The following WNK4 variants were observed in gnomAD, a reference collection of about 807,000 sequenced individuals.
WNK4 encodes the protein WNK lysine deficient protein kinase 4, also known as serine/threonine-protein kinase WNK4.
WNK4 carries 94 observed loss-of-function variants against 116.2 expected under a neutral mutation model. That is an observed-to-expected ratio of 0.81 (90% CI 0.68 to 0.96). The LOEUF is 0.96. WNK4 is among the 40% of genes least tolerant of loss of function. The probability of loss-of-function intolerance (pLI) is 0.00; values close to 1 mark genes in which losing one functional copy is unlikely to be tolerated. For synonymous variants in WNK4, 655 were observed against 672.7 expected, an observed-to-expected ratio of 0.97 and a Z score of 0.41; for missense variants, 1,542 against 1,650.6, an observed-to-expected ratio of 0.93 and a Z score of 1.14.
chr17:42,796,518 C>T lies in WNK4; in HGVS notation c.3669C>T (p.Thr1223=), dbSNP rs754710180. 20 of 1,613,916 alleles carry T rather than the reference C, an allele frequency of 1.2e-5. No individual in the cohort carries two copies. Among genetic ancestry groups the T allele is most frequent in the South Asian group, 3.3e-5 (3 of 91,088 alleles). ...GGAACTCTCTGAGTGGCAGCAGCAC[C>T]GGCTCCCAGGAGCAGCGGGCAAGCA... The part of the protein sequence containing the change: ...MRRNSLSGSS[T]GSQEQRASKG... Residue 1223 remains threonine (T), a synonymous_variant, in exon 18 of 19, where the codon ACC becomes ACT. Transcript: ENST00000246914.
At chr17:42,786,624 C>T (rs192867165) in intron 6 of WNK4, among the ~76,000 whole-genome samples, 3 of 152,290 alleles carry the variant, frequency 2.0e-5, no homozygotes, top group East Asian at 3.9e-4. Context: ...AACTCCTGAC[C>T]TCAAGTGACC....
intron 2 of WNK4, 156 bp from the exon 3 acceptor site, chr17:42,783,781 T>C: frequency 1.4e-6 from 1 of 731,510 alleles, no homozygotes. Context: ...CCTGACTCAG[T>C]TTCTCCCTGG....
Position 42,788,798 on chromosome 17 carries a change from G to A in WNK4, c.2157+1G>A. The A allele has an allele frequency of 6.2e-7, 1 of 1,611,418 alleles. No homozygotes were observed. The highest frequency in any genetic ancestry group is 8.5e-7 in the Non-Finnish European group (1 of 1,177,512). On this transcript the variant is annotated splice_donor_variant, in intron 11 of 18. Transcript: ENST00000246914. LOFTEE classifies it high-confidence loss of function. The stretch of plus-strand genomic sequence containing the variant: ...CCCGGAAGAGATTGCAGCTGCCATG[G>A]TGAGGGGGAGAGAGATGAGGACAGA...
At chr17:42,796,424 C>T (rs2054674292) in intron 17 of WNK4, 57 bp from the exon 18 acceptor site, 15 of 1,613,814 alleles carry the variant, frequency 9.3e-6, no homozygotes, top group Non-Finnish European at 1.2e-5. Flanking sequence ...AATAGACCCC[C>T]TCTCCCCACC....
rs1464181219 is a variant in WNK4, at chr17:42,784,674, G to A, written c.1170+95G>A. On this transcript the variant is annotated intron_variant, in intron 4 of 18. Coordinates refer to ENST00000246914, the MANE Select transcript of WNK4 (RefSeq NM_032387.5). The surrounding 1 kb of genome is among the most constrained non-coding windows in gnomAD (Gnocchi z 4.4). ...CGCAGTCAATGCCCTTTGCCTGCAC[G>A]AAAACAGGCTAGACACAGAGTCGCC... is the stretch of plus-strand genomic sequence containing the variant. 11 of 1,511,954 alleles carry A rather than the reference G, an allele frequency of 7.3e-6. No individual in the cohort carries two copies. The highest frequency in any genetic ancestry group is 2.4e-5 in the South Asian group (2 of 85,016). 93.7% of individuals were successfully genotyped at this position (1,511,954 alleles called of 1,614,324 possible).
At position 42,796,820 on chromosome 17, in the gene WNK4, G is replaced by A. The variant is rs939880308; in HGVS notation, c.*132G>A. On this transcript the variant is annotated 3_prime_UTR_variant, in exon 19 of 19. Transcript: ENST00000246914. ...CAACACTGAAGGGGTAGAAGGCCAG[G>A]GGGGCATGGAGAGTGCAGCTCCATT... The A allele has an allele frequency of 1.4e-5, 23 of 1,590,170 alleles. No homozygotes were observed. Among genetic ancestry groups the A allele is most frequent in the Admixed American group, 3.4e-5 (2 of 59,500 alleles).
Position 42,784,482 on chromosome 17 carries a change from T to A in WNK4, c.1073T>A (p.Val358Glu), listed in dbSNP as rs1482267302. 30 of 1,613,404 alleles carry A rather than the reference T, an allele frequency of 1.9e-5. No homozygotes were observed. Among genetic ancestry groups the A allele is most frequent in the Non-Finnish European group, 2.5e-5 (30 of 1,179,884 alleles). The part of the protein sequence containing the change: ...YEEKYDEAVD[V>E]YAFGMCMLEM... ...GAAAAGTACGATGAGGCCGTGGACGTGTACGCGTTCGGCATGTGCATGCTG... is the reference window on the plus strand; with the variant it reads ...GAAAAGTACGATGAGGCCGTGGACGAGTACGCGTTCGGCATGTGCATGCTG... Residue 358 changes from valine (V) to glutamate (E), a missense_variant, in exon 4 of 19, where the codon GTG becomes GAG. Physicochemically the swap from Val to Glu is moderately radical, Grantham distance 121. Coordinates refer to ENST00000246914, the MANE Select transcript of WNK4 (RefSeq NM_032387.5). This position sits in a 1 kb window ranked among gnomAD's most constrained non-coding sequence, Gnocchi z 4.4.
Position 42,788,751 on chromosome 17 carries a change from G to T in WNK4, c.2111G>T (p.Arg704Leu), listed in dbSNP as rs150554297. ...QTHNSKMVTF[R>L]FDLDGDSPEE... ...CATAACAGCAAGATGGTGACCTTCC[G>T]ATTTGATCTGGATGGGGACAGCCCG... Residue 704 changes from arginine to leucine, a missense_variant, in exon 11 of 19, where the codon CGA (arginine) becomes CTA (leucine). Physicochemically the swap from Arg to Leu is moderately radical, Grantham distance 102. Transcript: ENST00000246914. 6.2e-7 allele frequency: 1 copy of T among 1,614,034 alleles called. No individual in the cohort carries two copies. The highest frequency in any genetic ancestry group is 1.3e-5 in the African/African-American group (1 of 74,908).
Position 42,781,011 on chromosome 17 carries a change from C to T in WNK4, c.313C>T (p.Pro105Ser), listed in dbSNP as rs770042278. The T allele has an allele frequency of 6.2e-7, 1 of 1,610,098 alleles. No homozygotes were observed. Among genetic ancestry groups the T allele is most frequent in the Non-Finnish European group, 8.5e-7 (1 of 1,179,152 alleles). The change falls in exon 1 of 19, where the codon CCC becomes TCC. Residue 105 changes from proline (P) to serine (S), a missense_variant. Around this residue, in one of 7 missense-constraint regions of WNK4, gnomAD observed 243 missense variants for 217.8 expected, o/e 1.12. Coordinates refer to ENST00000246914, the MANE Select transcript of WNK4 (RefSeq NM_032387.5). ...GAGCCCACCGCCTAGCTCCAAAGAACCCCCCGAGGGCACGTGGACCGAGGG... is the reference window on the plus strand; with the variant it reads ...GAGCCCACCGCCTAGCTCCAAAGAATCCCCCGAGGGCACGTGGACCGAGGG... ...ARSPPPSSKE[P>S]PEGTWTEGAP...
At chr17:42,785,039 TG>T in intron 4 of WNK4, 57 bp from the exon 5 acceptor site, 1 of 1,547,502 alleles carries the variant, frequency 6.5e-7, no homozygotes, top group South Asian at 1.2e-5. Flanking sequence ...TGGGGGGTGG[TG>T]TCAAGCCGAG....
chr17:42,781,167 A>C lies in WNK4; in HGVS notation c.469A>C (p.Lys157Gln). The C allele has an allele frequency of 6.2e-7, 1 of 1,614,104 alleles. No individual in the cohort carries two copies. The highest frequency in any genetic ancestry group is 8.5e-7 in the Non-Finnish European group (1 of 1,180,010). The change falls in exon 1 of 19, where the codon AAG (lysine) becomes CAG (glutamine). Residue 157 changes from lysine (K) to glutamine (Q), a missense_variant. By Grantham distance (53) the Lys-to-Gln change is moderately conservative (BLOSUM62 1). Coordinates refer to ENST00000246914, the MANE Select transcript of WNK4 (RefSeq NM_032387.5). The part of the protein sequence containing the change: ...ALERRREQEE[K>Q]EDMETQAVAT... ...AGAGCGGCGGCGGGAGCAGGAAGAA[A>C]AGGAGGACATGGAGACCCAGGCTGT...
In WNK4 at chr17:42,784,680, A is replaced by G. The variant is rs2054523797; in HGVS notation, c.1170+101A>G. ...CAATGCCCTTTGCCTGCACGAAAACAGGCTAGACACAGAGTCGCCTTGGTG... is the reference window on the plus strand; with the variant it reads ...CAATGCCCTTTGCCTGCACGAAAACGGGCTAGACACAGAGTCGCCTTGGTG... On this transcript the variant is annotated intron_variant, in intron 4 of 18. Coordinates refer to ENST00000246914, the MANE Select transcript of WNK4 (RefSeq NM_032387.5). The surrounding 1 kb of genome is among the most constrained non-coding windows in gnomAD (Gnocchi z 4.4). 1.3e-6 allele frequency: 2 copies of G among 1,487,152 alleles called. No individual in the cohort carries two copies. The allele number at this position is 1,487,152 out of a possible 1,614,324, so 92.1% of individuals were successfully genotyped here. A position where few individuals can be genotyped will look rare whatever the true frequency, so the allele number is the denominator to read the frequency against.
chr17:42,780,720 G>A lies in WNK4; in HGVS notation c.22G>A (p.Glu8Lys). 6.2e-7 allele frequency: 1 copy of A among 1,608,790 alleles called. No individual in the cohort carries two copies. The part of the protein sequence containing the change: MLASPAT[E>K]TTVLMSQTEA... ...CCTCATGTTGGCATCCCCGGCCACGGAGACCACCGTCCTCATGTCCCAGAC... is the reference window on the plus strand; with the variant it reads ...CCTCATGTTGGCATCCCCGGCCACGAAGACCACCGTCCTCATGTCCCAGAC... The change falls in exon 1 of 19, where the codon GAG becomes AAG. Residue 8 changes from glutamate to lysine, a missense_variant. Glu to Lys is a moderately conservative substitution (Grantham distance 56). This residue lies in a region of WNK4 where 243 missense variants were observed against 217.8 expected (regional missense o/e 1.12). Coordinates refer to ENST00000246914, the MANE Select transcript of WNK4 (RefSeq NM_032387.5).
In WNK4 at chr17:42,796,751, G is replaced by C. The variant is rs2054680865; in HGVS notation, c.*63G>C. 3.1e-6 allele frequency: 5 copies of C among 1,614,182 alleles called. No individual in the cohort carries two copies. The highest frequency in any genetic ancestry group is 4.2e-6 in the Non-Finnish European group (5 of 1,180,038). Reference sequence around the variant, plus strand: ...GCCCACCATGGAGCTTGTGTTCTCAGAATCTGATGCTTTCTGATCAACAAA... The same window carrying C: ...GCCCACCATGGAGCTTGTGTTCTCACAATCTGATGCTTTCTGATCAACAAA... On this transcript the variant is annotated 3_prime_UTR_variant, in exon 19 of 19. Coordinates refer to ENST00000246914, the MANE Select transcript of WNK4 (RefSeq NM_032387.5).
chr17:42,786,932 C>T (rs150943373), intron 6 of WNK4, among the ~76,000 whole-genome samples: 13 of 152,270 alleles, frequency 8.5e-5, no homozygotes, highest in South Asian at 4.1e-4. Flanking sequence ...CCCTGGCTTC[C>T]GCTCACTAGA....
rs750022775 is a variant in WNK4 at position 42,795,480 on chromosome 17, G to A, written c.2981G>A (p.Arg994Gln). The change falls in exon 15 of 19, where the codon CGG becomes CAG. Residue 994 changes from arginine (R) to glutamine (Q), a missense_variant. Coordinates refer to ENST00000246914, the MANE Select transcript of WNK4 (RefSeq NM_032387.5). ...VESEASPPPA[R>Q]PLPGEARLAP... ...TTCTAGGCCTCACCACCTCCTGCTC[G>A]GCCCCTCCCAGGGGAAGCCAGGCTG... 17 of 1,613,986 alleles carry A rather than the reference G, an allele frequency of 1.1e-5. No homozygotes were observed. The highest frequency in any genetic ancestry group is 2.2e-5 in the East Asian group (1 of 44,886).
At chr17:42,794,059 T>C in intron 12 of WNK4, 1 of 350,246 alleles carries the variant, frequency 2.9e-6, no homozygotes, top group Non-Finnish European at 5.5e-6. Context: ...TTTCACCGTG[T>C]TAGCCAGGCT....
At chr17:42,787,658 G>C in intron 7 of WNK4, 116 bp downstream of exon 7, 1 of 1,593,562 alleles carries the variant, frequency 6.3e-7, no homozygotes, top group Non-Finnish European at 8.5e-7. Flanking sequence ...TAGCCATGAA[G>C]CTCCCTCCAG....
In WNK4 at chr17:42,795,314, C is replaced by T. The variant is rs200640984; in HGVS notation, c.2893C>T (p.Leu965Phe). 104 of 1,613,992 alleles carry T rather than the reference C, an allele frequency of 6.4e-5. No homozygotes were observed. Among genetic ancestry groups the T allele is most frequent in the Admixed American group, 2.3e-4 (14 of 59,976 alleles). The change falls in exon 14 of 19, where the codon CTT becomes TTT. Residue 965 changes from leucine (L) to phenylalanine (F), a missense_variant. By Grantham distance (22) the Leu-to-Phe change is conservative. Around this residue, in one of 7 missense-constraint regions of WNK4, gnomAD observed 292 missense variants for 290.1 expected, o/e 1.01. Coordinates refer to ENST00000246914, the MANE Select transcript of WNK4 (RefSeq NM_032387.5). The stretch of plus-strand genomic sequence containing the variant: ...TCCTAGTCCCCTCCCTAGCCTGCCC[C>T]TTCCCCCTCCCGTTGCTCCTGGTGG... ...APPSPLPSLPLPPPVAPGGQE... is the reference protein window; with the variant it reads ...APPSPLPSLPFPPPVAPGGQE...
Sources: allele counts gnomAD v4.1 joint callset (sites outside exome capture counted in the v4.1 genomes callset), GRCh38; gene constraint gnomAD v4.1.1; regional missense constraint gnomAD v4.1.1; non-coding constraint Gnocchi (gnomAD v3.1); transcripts MANE v1.5; gene names NCBI Gene and HGNC (gene_info 2026-07-23, HGNC 2026-07-21).